RPAP2: variants seen among roughly 807,000 people sequenced by gnomAD.
The protein encoded by RPAP2 is RNA polymerase II associated protein 2.
Under a neutral mutation model 73.1 loss-of-function variants are expected in RPAP2, and 52 were observed. The observed-to-expected ratio is 0.71, with a 90% CI of 0.57 to 0.90. RPAP2 has a LOEUF of 0.90. Ranked by LOEUF, RPAP2 falls within the 40% of genes least tolerant of loss-of-function variation. The pLI, the probability that RPAP2 is intolerant of heterozygous loss-of-function variation, is 0.00. For missense variants in RPAP2, 598 were observed against 701.8 expected, an observed-to-expected ratio of 0.85 and a Z score of 1.67; for synonymous variants, 225 against 242.1, an observed-to-expected ratio of 0.93 and a Z score of 0.65.
chr1:92,333,309 T>G, intron 8 of RPAP2, 82 bp from the exon 9 acceptor site: 2 of 1,121,660 alleles, frequency 1.8e-6, no homozygotes, highest in South Asian at 2.6e-5. Flanking sequence ...AACTTTTGTG[T>G]TTTAATGTTT....
At chr1:92,330,989 G>C (rs934011388) in intron 8 of RPAP2, among the ~76,000 whole-genome samples, 3 of 152,180 alleles carry the variant, frequency 2.0e-5, no homozygotes, top group African/African-American at 7.2e-5. Context: ...GAGAAGCACT[G>C]TTGGGGTGTG....
In RPAP2 at chr1:92,324,114, C is replaced by G; in HGVS notation, c.1194C>G (p.Pro398=). ...GQNYASVCLK[P]EASLVKEELD... ...ATTATGCTTCTGTGTGTCTGAAACC[C>G]GAAGCCTCTCTGGTTAAAGAAGAAC... The change falls in exon 8 of 13, where the codon CCC becomes CCG. Residue 398 remains proline, a synonymous_variant. Coordinates refer to ENST00000610020, the MANE Select transcript of RPAP2 (RefSeq NM_024813.3). 6.2e-7 allele frequency: 1 copy of G among 1,614,020 alleles called. No individual in the cohort carries two copies. Among genetic ancestry groups the G allele is most frequent in the Non-Finnish European group, 8.5e-7 (1 of 1,179,956 alleles).
In RPAP2 at chr1:92,329,601, G is replaced by T. The variant is rs563325727; in HGVS notation, c.1456-3790G>T. ...TTCTGCGGTAGTTCTTGGAGCAAAA[G>T]TTCATGATGGGAGTCTCCACATGCC... On this transcript the variant is annotated intron_variant, in intron 8 of 12. Coordinates refer to ENST00000610020, the MANE Select transcript of RPAP2 (RefSeq NM_024813.3). Among the ~76,000 whole-genome samples, 11 of 152,290 alleles carry T rather than the reference G, an allele frequency of 7.2e-5. No homozygotes were observed. The East Asian group carries it at 1.9e-3, about 27-fold the overall frequency.
chr1:92,338,120 G>A (rs193222249), intron 10 of RPAP2, among the ~76,000 whole-genome samples: 1 of 152,108 alleles, frequency 6.6e-6, no homozygotes, highest in Non-Finnish European at 1.5e-5. Context: ...TCAGTTGGCT[G>A]ATAAAACAAG....
At chr1:92,360,177 A>G (rs894307077) in intron 11 of RPAP2, among the ~76,000 whole-genome samples, 1 of 152,226 alleles carries the variant, frequency 6.6e-6, no homozygotes, top group African/African-American at 2.4e-5. Context: ...TAAAGAGTCC[A>G]AAGTAAGTTT....
At chr1:92,347,172 A>G (rs974403026) in intron 11 of RPAP2, among the ~76,000 whole-genome samples, 1 of 152,246 alleles carries the variant, frequency 6.6e-6, no homozygotes, top group Non-Finnish European at 1.5e-5. Context: ...ATGCCCTGAT[A>G]TAAATTTTTT....
At chr1:92,314,127 T>G (rs895273023) in intron 6 of RPAP2, among the ~76,000 whole-genome samples, 2 of 152,242 alleles carry the variant, frequency 1.3e-5, no homozygotes, top group Non-Finnish European at 2.9e-5. Context: ...TTAAATTTCC[T>G]TTAAGAACTT....
At chr1:92,367,763 C>T (rs1359352987) in intron 11 of RPAP2, among the ~76,000 whole-genome samples, 3 of 152,174 alleles carry the variant, frequency 2.0e-5, no homozygotes, top group African/African-American at 7.2e-5. Context: ...ACATTTTATT[C>T]ACATAGACAT....
rs141967862 is a variant in RPAP2 at position 92,344,849 on chromosome 1, G to A, written c.1620-997G>A. 5.1e-4 allele frequency among the ~76,000 whole-genome samples: 77 copies of A among 151,924 alleles called. No individual in the cohort carries two copies. The East Asian group carries it at 0.013, about 25-fold the overall frequency. ...TGAGATTGAGCTTTTCAAATTTCAC[G>A]GTCCATTTCAAATTTCCTCCTCTAT... On this transcript the variant is annotated intron_variant, in intron 10 of 12. Coordinates refer to ENST00000610020, the MANE Select transcript of RPAP2 (RefSeq NM_024813.3).
chr1:92,380,290 A>C (rs1362096342), intron 11 of RPAP2, among the ~76,000 whole-genome samples: 1 of 152,030 alleles, frequency 6.6e-6, no homozygotes, highest in Non-Finnish European at 1.5e-5. Context: ...AAAAAAAAAA[A>C]ACAAATAAAA....
chr1:92,348,859 A>G (rs1400279841), intron 11 of RPAP2, among the ~76,000 whole-genome samples: 1 of 152,244 alleles, frequency 6.6e-6, no homozygotes, highest in Non-Finnish European at 1.5e-5. Context: ...ATTACATTTT[A>G]GAGAAGGCAT....
intron 11 of RPAP2, among the ~76,000 whole-genome samples, chr1:92,371,687 C>CAAAAAT (rs1655160600): frequency 6.6e-6 from 1 of 151,464 alleles, no homozygotes; most frequent in Non-Finnish European, 1.5e-5. Context: ...ATAAGCCAGG[C>CAAAAAT]ACAAATACAA....
In RPAP2 at chr1:92,391,186, C is replaced by T. The variant is rs1392511988; in HGVS notation, c.*4175C>T. 6.6e-6 allele frequency: 1 copy of T among 152,154 alleles called. No individual in the cohort carries two copies. The highest frequency in any genetic ancestry group is 1.5e-5 in the Non-Finnish European group (1 of 68,018). 9.4% of individuals were successfully genotyped at this position (152,154 alleles called of 1,614,324 possible). On this transcript the variant is annotated 3_prime_UTR_variant, in exon 13 of 13. Transcript: ENST00000610020. ...AAGAACAGAAATCACAACAAACCGT[C>T]TCAGACCACAATGCAATCAAATTAG...
chr1:92,301,543 G>A lies in RPAP2; in HGVS notation c.187G>A (p.Glu63Lys), dbSNP rs772598371. Residue 63 changes from glutamate (E) to lysine (K), a missense_variant, in exon 3 of 13, where the codon GAA becomes AAA. By Grantham distance (56) the Glu-to-Lys change is moderately conservative. Around this residue, in one of 3 missense-constraint regions of RPAP2, gnomAD observed 506 missense variants for 612.8 expected, o/e 0.83. Coordinates refer to ENST00000610020, the MANE Select transcript of RPAP2 (RefSeq NM_024813.3). ...EFERKALHIVEQLLEENITEE... is the reference protein window; with the variant it reads ...EFERKALHIVKQLLEENITEE... The stretch of plus-strand genomic sequence containing the variant: ...TGAGAGAAAAGCTCTACATATTGTT[G>A]AACAGCTTTTAGAGGAGAATATTAC... The A allele has an allele frequency of 6.3e-7, 1 of 1,588,626 alleles. No homozygotes were observed. The highest frequency in any genetic ancestry group is 8.6e-7 in the Non-Finnish European group (1 of 1,168,750).
In RPAP2 at chr1:92,306,415, A is replaced by T. The variant is rs562077740; in HGVS notation, c.400-773A>T. ...TGAACATTTTTTAATTGTAAAAAAAAGTTTATAGTAACATTGTAGTGATAG... is the reference window on the plus strand; with the variant it reads ...TGAACATTTTTTAATTGTAAAAAAATGTTTATAGTAACATTGTAGTGATAG... On this transcript the variant is annotated intron_variant, in intron 5 of 12. Transcript: ENST00000610020. Among the ~76,000 whole-genome samples, 5 of 152,366 alleles carry T rather than the reference A, an allele frequency of 3.3e-5. No individual in the cohort carries two copies. The South Asian group carries it at 8.3e-4, about 25-fold the overall frequency.
At chr1:92,357,049 G>C (rs1654505680) in intron 11 of RPAP2, among the ~76,000 whole-genome samples, 1 of 149,706 alleles carries the variant, frequency 6.7e-6, no homozygotes, top group Admixed American at 6.7e-5. Flanking sequence ...CTGGGTGACA[G>C]AGCAAGACTC....
At chr1:92,303,388 T>C (rs1034632422) in intron 3 of RPAP2, among the ~76,000 whole-genome samples, 2 of 152,206 alleles carry the variant, frequency 1.3e-5, no homozygotes, top group Non-Finnish European at 2.9e-5. Flanking sequence ...CTCAAAGTTA[T>C]GAACAAGAAT....
rs577467514 is a variant in RPAP2 at position 92,396,182 on chromosome 1, T to C, written c.*9171T>C. 2 of 151,848 alleles carry C rather than the reference T, an allele frequency of 1.3e-5. No individual in the cohort carries two copies. Among genetic ancestry groups the C allele is most frequent in the East Asian group, 3.9e-4 (2 of 5,176 alleles). The allele number at this position is 151,848 out of a possible 1,614,324, so 9.4% of individuals were successfully genotyped here. On this transcript the variant is annotated 3_prime_UTR_variant, in exon 13 of 13. Coordinates refer to ENST00000610020, the MANE Select transcript of RPAP2 (RefSeq NM_024813.3). ...TATTAGTCAAAAAGTGGAAACCAAA[T>C]GACCATCAACTACTGGATTTTTTTT...
Position 92,393,962 on chromosome 1 carries a change from A to G in RPAP2, c.*6951A>G, listed in dbSNP as rs558607666. On this transcript the variant is annotated 3_prime_UTR_variant, in exon 13 of 13. Transcript: ENST00000610020. Reference sequence around the variant, plus strand: ...AACTGGAAATACCATTTGACCCAGCAATCCCACTATTGGGCATATACCCAA... The same window carrying G: ...AACTGGAAATACCATTTGACCCAGCGATCCCACTATTGGGCATATACCCAA... 1.3e-5 allele frequency: 2 copies of G among 152,322 alleles called. No homozygotes were observed. Among genetic ancestry groups the G allele is most frequent in the East Asian group, 3.9e-4 (2 of 5,188 alleles). The allele number at this position is 152,322 out of a possible 1,614,324, so 9.4% of individuals were successfully genotyped here. A position where few individuals can be genotyped will look rare whatever the true frequency, so the allele number is the denominator to read the frequency against.
Sources: gnomAD v4.1 joint callset for allele counts (sites outside exome capture counted in the v4.1 genomes callset) on GRCh38, gnomAD v4.1.1 for gene constraint, gnomAD v4.1.1 regional missense constraint, MANE v1.5 for transcripts, NCBI Gene and HGNC (gene_info 2026-07-23, HGNC 2026-07-21) for gene names.